Variants in MDGA2 observed in about 807,000 individuals in gnomAD.
MDGA2 encodes the protein MAM domain containing glycosylphosphatidylinositol anchor 2.
Under a neutral mutation model 117.8 loss-of-function variants are expected in MDGA2, and 40 were observed. The observed-to-expected ratio is 0.34, with a 90% CI of 0.26 to 0.44. The LOEUF is 0.44. Ranked by LOEUF, MDGA2 falls within the 20% of genes least tolerant of loss-of-function variation. The pLI is 1.00. For missense variants in MDGA2, 1,123 were observed against 1,250.6 expected (o/e 0.90, Z 1.54); for synonymous variants, 452 against 439.0 (o/e 1.03, Z -0.37).
At chr14:47,319,230 G>A (rs1889903899) in intron 1 of MDGA2, among the ~76,000 whole-genome samples, 1 of 152,052 alleles carries the variant, frequency 6.6e-6, no homozygotes, top group Admixed American at 6.6e-5. Flanking sequence ...CTTTATGTAG[G>A]CAAGTCACAG....
intron 3 of MDGA2, chr14:47,200,527 T>A: frequency 1.6e-6 from 1 of 621,314 alleles, no homozygotes; most frequent in South Asian, 3.1e-5. Flanking sequence ...TTTTTTCTTT[T>A]TCTTTTCTTT....
At chr14:47,642,074 A>T (rs12432315) in intron 1 of MDGA2, among the ~76,000 whole-genome samples, 41,009 of 151,976 alleles carry the variant, frequency 0.27, 6,287 homozygotes, top group South Asian at 0.46. Flanking sequence ...TAAAATAAGG[A>T]GGGGAGAAGA....
intron 8 of MDGA2, among the ~76,000 whole-genome samples, chr14:46,987,944 G>A (rs913704129): frequency 5.3e-5 from 8 of 151,368 alleles, no homozygotes; most frequent in African/African-American, 1.7e-4. Context: ...GGGTGCGCGC[G>A]TGTGTGTATG....
chr14:47,160,411 A>G (rs1883584398), intron 3 of MDGA2, among the ~76,000 whole-genome samples: 2 of 152,204 alleles, frequency 1.3e-5, no homozygotes, highest in Non-Finnish European at 2.9e-5. Context: ...ACAACAAAAA[A>G]GCAGCTGAGA....
At chr14:47,457,466 C>T (rs1327497740) in intron 1 of MDGA2, among the ~76,000 whole-genome samples, 3 of 152,048 alleles carry the variant, frequency 2.0e-5, no homozygotes, top group South Asian at 2.1e-4. Context: ...GAATTCAAGA[C>T]GCTATGTGGT....
intron 2 of MDGA2, among the ~76,000 whole-genome samples, chr14:47,220,718 T>G (rs758834206): frequency 8.5e-5 from 13 of 152,200 alleles, no homozygotes; most frequent in Non-Finnish European, 1.8e-4. Context: ...AACTCAATTC[T>G]AATTGATTTT....
chr14:47,449,594 A>T (rs1893197327), intron 1 of MDGA2, among the ~76,000 whole-genome samples: 1 of 152,166 alleles, frequency 6.6e-6, no homozygotes, highest in Admixed American at 6.6e-5. Flanking sequence ...GAGGTTAATA[A>T]CATTAAAACT....
intron 1 of MDGA2, among the ~76,000 whole-genome samples, chr14:47,374,481 G>T (rs555224419): frequency 1.1e-4 from 17 of 152,008 alleles, no homozygotes; most frequent in African/African-American, 1.7e-4. Flanking sequence ...GATACTCTTG[G>T]ATGCTCAAAT....
At chr14:47,270,774 CTGTT>C (rs1431707992) in intron 2 of MDGA2, among the ~76,000 whole-genome samples, 6 of 150,392 alleles carry the variant, frequency 4.0e-5, no homozygotes, top group South Asian at 2.1e-4. Context: ...TAAGCGTGCA[CTGTT>C]TGTGTGTGTG....
chr14:47,375,710 A>G (rs1389475724), intron 1 of MDGA2, among the ~76,000 whole-genome samples: 1 of 152,098 alleles, frequency 6.6e-6, no homozygotes, highest in African/African-American at 2.4e-5. Context: ...TCTAATTACA[A>G]TTCACATCTA....
chr14:47,177,093 C>T (rs1231551437), intron 3 of MDGA2, among the ~76,000 whole-genome samples: 1 of 152,150 alleles, frequency 6.6e-6, no homozygotes, highest in African/African-American at 2.4e-5. Context: ...AAATCAAAAC[C>T]ACAATGAGAT....
intron 9 of MDGA2, among the ~76,000 whole-genome samples, chr14:46,933,772 T>C (rs1475291597): frequency 6.8e-5 from 8 of 116,946 alleles, no homozygotes; most frequent in South Asian, 3.1e-4. Context: ...TACAGAACTA[T>C]ACAAAGTTCT....
At chr14:46,900,544 C>CTGA (rs1445716846) in intron 10 of MDGA2, among the ~76,000 whole-genome samples, 4 of 152,126 alleles carry the variant, frequency 2.6e-5, no homozygotes, top group Admixed American at 1.3e-4. Context: ...GAATGAACTA[C>CTGA]TGATATATGC....
chr14:46,944,423 T>C (rs1277465782), intron 9 of MDGA2, among the ~76,000 whole-genome samples: 1 of 151,892 alleles, frequency 6.6e-6, no homozygotes, highest in Non-Finnish European at 1.5e-5. Context: ...AATTGGACTA[T>C]GGTATTCTTA....
intron 1 of MDGA2, among the ~76,000 whole-genome samples, chr14:47,640,931 T>A (rs1475587529): frequency 6.6e-6 from 1 of 152,080 alleles, no homozygotes; most frequent in Admixed American, 6.6e-5. Context: ...TAGAGCTTAC[T>A]ATGACTTGCA....
At chr14:47,529,967 G>T (rs1895060407) in intron 1 of MDGA2, among the ~76,000 whole-genome samples, 1 of 152,170 alleles carries the variant, frequency 6.6e-6, no homozygotes, top group South Asian at 2.1e-4. Flanking sequence ...CCTGATTATT[G>T]TAAATACAAA....
At chr14:47,570,229 G>T (rs1284094902) in intron 1 of MDGA2, among the ~76,000 whole-genome samples, 1 of 152,124 alleles carries the variant, frequency 6.6e-6, no homozygotes, top group African/African-American at 2.4e-5. Flanking sequence ...AGAAATAATA[G>T]ACATAGGACC....
chr14:46,967,921 A>C (rs761540523), intron 8 of MDGA2, among the ~76,000 whole-genome samples: 3 of 152,170 alleles, frequency 2.0e-5, no homozygotes, highest in Non-Finnish European at 2.9e-5. Context: ...AAAATACTAT[A>C]ATAAGGAAAG....
At chr14:46,985,477 C>T (rs970661380) in intron 8 of MDGA2, among the ~76,000 whole-genome samples, 2 of 151,916 alleles carry the variant, frequency 1.3e-5, no homozygotes, top group African/African-American at 4.8e-5. Context: ...ATTGCTTTAT[C>T]AATTTTTTGG....
Sources: gnomAD v4.1 joint callset for allele counts (sites outside exome capture counted in the v4.1 genomes callset) on GRCh38, gnomAD v4.1.1 for gene constraint, MANE v1.5 for transcripts, NCBI Gene and HGNC (gene_info 2026-07-23, HGNC 2026-07-21) for gene names.